The following DPF3 variants were observed in gnomAD, a reference collection of about 807,000 sequenced individuals.
The protein encoded by DPF3 is zinc finger protein DPF3.
A neutral mutation model predicts 56.8 loss-of-function variants in DPF3; 18 were observed. That is an observed-to-expected ratio of 0.32 (90% CI 0.22 to 0.47). The LOEUF is 0.47. Among genes scored for constraint, DPF3 ranks in the 20% least tolerant of loss-of-function variants. DPF3 has a pLI of 1.00. For synonymous variants in DPF3, 188 were observed against 180.2 expected (o/e 1.04, Z -0.35); for missense variants, 403 against 488.8 (o/e 0.82, Z 1.65).
intron 3 of DPF3, among the ~76,000 whole-genome samples, chr14:72,740,787 C>A (rs1025134001): frequency 6.6e-6 from 1 of 152,196 alleles, no homozygotes; most frequent in African/African-American, 2.4e-5. Context: ...TGCCCTGGGC[C>A]ATGGGTGCCT....
intron 1 of DPF3, among the ~76,000 whole-genome samples, chr14:72,799,723 G>A (rs189543739): frequency 2.1e-4 from 32 of 152,300 alleles, no homozygotes; most frequent in Non-Finnish European, 4.0e-4. Context: ...AATGTGGTCT[G>A]AGGCAGGCAA....
intron 2 of DPF3, among the ~76,000 whole-genome samples, chr14:72,762,138 T>C (rs1387358017): frequency 6.6e-6 from 1 of 151,836 alleles, no homozygotes; most frequent in Admixed American, 6.6e-5. Context: ...ATAATACCAA[T>C]TCTATATAAA....
intron 1 of DPF3, among the ~76,000 whole-genome samples, chr14:72,881,658 G>T (rs1296677790): frequency 6.6e-6 from 1 of 152,122 alleles, no homozygotes; most frequent in African/African-American, 2.4e-5. Flanking sequence ...ATCATTAAAG[G>T]GCTGCTGCTC....
At chr14:72,684,165 G>A (rs537298093) in intron 7 of DPF3, among the ~76,000 whole-genome samples, 1 of 152,204 alleles carries the variant, frequency 6.6e-6, no homozygotes, top group African/African-American at 2.4e-5. Flanking sequence ...TCCCACCTCA[G>A]CCTCCCGAGT....
chr14:72,851,370 T>C (rs1884977949), intron 1 of DPF3, among the ~76,000 whole-genome samples: 1 of 152,254 alleles, frequency 6.6e-6, no homozygotes, highest in Non-Finnish European at 1.5e-5. Flanking sequence ...CTTATCCATC[T>C]TCTCCATAGA....
chr14:72,634,795 TA>T (rs1885340293), intron 8 of DPF3, among the ~76,000 whole-genome samples: 1 of 152,130 alleles, frequency 6.6e-6, no homozygotes, highest in Non-Finnish European at 1.5e-5. Flanking sequence ...CCCATATTGC[TA>T]TTTAAATAGC....
chr14:72,854,131 C>T (rs377760447), intron 1 of DPF3, among the ~76,000 whole-genome samples: 11 of 152,102 alleles, frequency 7.2e-5, no homozygotes, highest in Admixed American at 3.3e-4. Flanking sequence ...CCAAGATGGG[C>T]GGATCACTTG....
At chr14:72,879,736 G>A in intron 1 of DPF3, 2 of 1,469,990 alleles carry the variant, frequency 1.4e-6, no homozygotes, top group East Asian at 2.5e-5. Flanking sequence ...TCGTCTCTCT[G>A]GGCAGGGACA....
chr14:72,894,026 C>A (rs1886885388), intron 1 of DPF3, 31 bp downstream of exon 1: 3 of 1,606,328 alleles, frequency 1.9e-6, no homozygotes, highest in Admixed American at 1.7e-5. Flanking sequence ...TGAAACCACG[C>A]GGAATATGTA....
At chr14:72,773,329 T>C (rs1366326743) in intron 1 of DPF3, among the ~76,000 whole-genome samples, 2 of 152,048 alleles carry the variant, frequency 1.3e-5, no homozygotes, top group Non-Finnish European at 2.9e-5. Flanking sequence ...AGACAGAGTT[T>C]CACTATATTG....
chr14:72,613,069 T>A lies in DPF3; in HGVS notation c.*6228A>T, dbSNP rs1021742079. On this transcript the variant is annotated 3_prime_UTR_variant, in exon 11 of 11. Transcript: ENST00000556509. ...GCACGCACGCGCATGCACATGGGCA[T>A]TCCTGTTCTCATCATCAATATTCAT... is the stretch of plus-strand genomic sequence containing the variant. Among the ~76,000 whole-genome samples, 3 of 151,804 alleles carry A rather than the reference T, an allele frequency of 2.0e-5. No homozygotes were observed. Among genetic ancestry groups the A allele is most frequent in the Non-Finnish European group, 4.4e-5 (3 of 67,922 alleles).
At chr14:72,872,813 C>A (rs1284221273) in intron 1 of DPF3, among the ~76,000 whole-genome samples, 2 of 152,266 alleles carry the variant, frequency 1.3e-5, no homozygotes, top group South Asian at 2.1e-4. Flanking sequence ...CAAAAACAAG[C>A]AATGGGGAAA....
At chr14:72,888,632 G>A (rs763273533) in intron 1 of DPF3, among the ~76,000 whole-genome samples, 22 of 152,142 alleles carry the variant, frequency 1.4e-4, no homozygotes, top group Non-Finnish European at 3.1e-4. Flanking sequence ...CCCTACCCAA[G>A]GCCACTCTCC....
intron 7 of DPF3, among the ~76,000 whole-genome samples, chr14:72,691,347 G>T (rs989906860): frequency 6.6e-6 from 1 of 152,164 alleles, no homozygotes; most frequent in African/African-American, 2.4e-5. Flanking sequence ...TTGGAAGTAG[G>T]GTCCTCAAAG....
chr14:72,736,600 G>A (rs1889902995), intron 3 of DPF3, among the ~76,000 whole-genome samples: 1 of 152,100 alleles, frequency 6.6e-6, no homozygotes, highest in South Asian at 2.1e-4. Flanking sequence ...AACACAGGGT[G>A]CACTCTGCCT....
At chr14:72,763,361 T>C (rs1891138293) in intron 2 of DPF3, among the ~76,000 whole-genome samples, 1 of 152,032 alleles carries the variant, frequency 6.6e-6, no homozygotes, top group Non-Finnish European at 1.5e-5. Flanking sequence ...ATTATAAAAC[T>C]ATAATAATCA....
chr14:72,888,181 C>A (rs1381723360), intron 1 of DPF3, among the ~76,000 whole-genome samples: 1 of 152,158 alleles, frequency 6.6e-6, no homozygotes, highest in Non-Finnish European at 1.5e-5. Context: ...CCTGCTTCCA[C>A]ACATTGCCCC....
chr14:72,782,837 A>G (rs75960082), intron 1 of DPF3, among the ~76,000 whole-genome samples: 3 of 75,530 alleles, frequency 4.0e-5, no homozygotes, highest in African/African-American at 1.7e-4. Context: ...CATCTCAAAG[A>G]AAAAAAAAAA....
intron 4 of DPF3, among the ~76,000 whole-genome samples, chr14:72,727,987 G>A (rs1173507953): frequency 2.6e-5 from 4 of 152,178 alleles, no homozygotes; most frequent in Non-Finnish European, 5.9e-5. Context: ...CATAGGAGAT[G>A]ATGGTGACAT....
Sources: allele counts gnomAD v4.1 joint callset (sites outside exome capture counted in the v4.1 genomes callset), GRCh38; gene constraint gnomAD v4.1.1; transcripts MANE v1.5; gene names NCBI Gene and HGNC (gene_info 2026-07-23, HGNC 2026-07-21).